The following CENPP variants were observed in gnomAD, a reference collection of about 807,000 sequenced individuals.
CENPP encodes centromere protein P.
A neutral mutation model predicts 35.6 loss-of-function variants in CENPP; 24 were observed. That is an observed-to-expected ratio of 0.67 (90% CI 0.49 to 0.95). The LOEUF is 0.95. CENPP is among the 40% of genes least tolerant of loss of function. The pLI, the probability that CENPP is intolerant of heterozygous loss-of-function variation, is 0.00. For synonymous variants in CENPP, 120 were observed against 125.5 expected, an observed-to-expected ratio of 0.96 and a Z score of 0.29; for missense variants, 332 against 345.3, an observed-to-expected ratio of 0.96 and a Z score of 0.31.
chr9:92,395,487 G>A (rs1467890642), intron 5 of CENPP, among the ~76,000 whole-genome samples: 8 of 152,182 alleles, frequency 5.3e-5, no homozygotes, highest in African/African-American at 1.7e-4. Context: ...GTGTAAGTTT[G>A]TGTGGACTTA....
At chr9:92,574,341 A>G (rs1051548288) in intron 5 of CENPP, among the ~76,000 whole-genome samples, 3 of 152,212 alleles carry the variant, frequency 2.0e-5, no homozygotes, top group Non-Finnish European at 4.4e-5. Flanking sequence ...CTGTGAAAAC[A>G]AATAAATTCA....
intron 5 of CENPP, among the ~76,000 whole-genome samples, chr9:92,454,720 C>T (rs927329266): frequency 6.6e-6 from 1 of 152,064 alleles, no homozygotes. Flanking sequence ...CAACCTTGTT[C>T]AGTGTTGTCA....
intron 5 of CENPP, among the ~76,000 whole-genome samples, chr9:92,552,384 G>A (rs1409046162): frequency 6.6e-6 from 1 of 152,082 alleles, no homozygotes; most frequent in African/African-American, 2.4e-5. Context: ...TGGATCAACT[G>A]GTGGTTCTAC....
At chr9:92,352,122 C>A (rs1355309920) in intron 4 of CENPP, among the ~76,000 whole-genome samples, 1 of 149,084 alleles carries the variant, frequency 6.7e-6, no homozygotes, top group Non-Finnish European at 1.5e-5. Flanking sequence ...GCAATCCCAG[C>A]ATGTTGGGAG....
chr9:92,546,232 A>G (rs1849441923), intron 5 of CENPP, among the ~76,000 whole-genome samples: 1 of 152,168 alleles, frequency 6.6e-6, no homozygotes, highest in Non-Finnish European at 1.5e-5. Flanking sequence ...AAACAGACCA[A>G]TCAGCTCTCT....
At chr9:92,470,621 TAC>T (rs1845476128) in intron 5 of CENPP, 1 of 1,009,486 alleles carries the variant, frequency 9.9e-7, no homozygotes, top group African/African-American at 1.7e-5. Context: ...ATAGCAAAGA[TAC>T]AGAGTTTTCA....
At chr9:92,336,085 A>G (rs1189226564) in intron 2 of CENPP, among the ~76,000 whole-genome samples, 1 of 152,182 alleles carries the variant, frequency 6.6e-6, no homozygotes, top group Non-Finnish European at 1.5e-5. Context: ...TAGTCTCCTT[A>G]ATCTGGTCAT....
intron 2 of CENPP, among the ~76,000 whole-genome samples, chr9:92,337,253 G>T (rs1045500125): frequency 6.6e-6 from 1 of 152,134 alleles, no homozygotes; most frequent in African/African-American, 2.4e-5. Flanking sequence ...AGGAGGTAGA[G>T]GTTGCAGCGA....
intron 5 of CENPP, chr9:92,510,030 A>C: frequency 6.3e-7 from 1 of 1,591,038 alleles, no homozygotes; most frequent in Non-Finnish European, 8.5e-7. Context: ...TAACTTCTTC[A>C]GAAGCTTAAA....
chr9:92,436,447 A>T (rs1472717375), intron 5 of CENPP, among the ~76,000 whole-genome samples: 1 of 152,186 alleles, frequency 6.6e-6, no homozygotes, highest in Admixed American at 6.5e-5. Flanking sequence ...TTTGTAGATC[A>T]TGCTTTTGGT....
At chr9:92,365,098 C>T (rs1412416020) in intron 4 of CENPP, among the ~76,000 whole-genome samples, 2 of 152,146 alleles carry the variant, frequency 1.3e-5, no homozygotes, top group East Asian at 3.9e-4. Context: ...AAGAAAAGCC[C>T]GTCTTCATAA....
intron 5 of CENPP, among the ~76,000 whole-genome samples, chr9:92,442,481 G>A (rs1844435180): frequency 6.6e-6 from 1 of 151,500 alleles, no homozygotes; most frequent in Admixed American, 6.6e-5. Flanking sequence ...CTCCAAATTG[G>A]TTTGAAAAAG....
chr9:92,604,103 G>C (rs72754487), intron 5 of CENPP, among the ~76,000 whole-genome samples: 1 of 152,186 alleles, frequency 6.6e-6, no homozygotes, highest in Non-Finnish European at 1.5e-5. Flanking sequence ...GCTGGATCAC[G>C]TAGTAAGTGT....
At chr9:92,395,446 T>C (rs904376144) in intron 5 of CENPP, among the ~76,000 whole-genome samples, 2 of 152,228 alleles carry the variant, frequency 1.3e-5, no homozygotes, top group African/African-American at 2.4e-5. Flanking sequence ...TTGGGTTGTT[T>C]CCAGGTTTTC....
intron 5 of CENPP, among the ~76,000 whole-genome samples, chr9:92,473,009 T>C (rs1451462020): frequency 6.6e-6 from 1 of 152,094 alleles, no homozygotes; most frequent in Non-Finnish European, 1.5e-5. Flanking sequence ...TGGTCACGTT[T>C]TGGGGGAGGT....
chr9:92,349,979 G>A lies in CENPP; in HGVS notation c.467+4192G>A, dbSNP rs555883592. On this transcript the variant is annotated intron_variant, in intron 4 of 7. Transcript: ENST00000375587. Reference sequence around the variant, plus strand: ...AGTATGTTTAAATTTATAATAAACTGCCAAACCGTTTTCCAGAATGACCAT... The same window carrying A: ...AGTATGTTTAAATTTATAATAAACTACCAAACCGTTTTCCAGAATGACCAT... Among the ~76,000 whole-genome samples the A allele has an allele frequency of 8.0e-4, 122 of 152,116 alleles. 2 individuals carry two copies. The highest frequency in any genetic ancestry group is 2.5e-4 in the Non-Finnish European group (17 of 68,032).
chr9:92,588,547 C>T (rs1047290776), intron 5 of CENPP, among the ~76,000 whole-genome samples: 4 of 151,944 alleles, frequency 2.6e-5, no homozygotes, highest in African/African-American at 9.7e-5. Flanking sequence ...GCCACTGTGC[C>T]CGGCCAGCTG....
chr9:92,533,328 A>AATAT (rs202147064), intron 5 of CENPP, among the ~76,000 whole-genome samples: 1,093 of 38,302 alleles, frequency 0.029, 23 homozygotes, highest in African/African-American at 0.05. Context: ...AAAAAAAAAA[A>AATAT]ATATATATAT....
At chr9:92,594,993 T>G (rs1850745381) in intron 5 of CENPP, among the ~76,000 whole-genome samples, 1 of 147,794 alleles carries the variant, frequency 6.8e-6, no homozygotes, top group Non-Finnish European at 1.5e-5. Context: ...GCCTCCCAGG[T>G]TCAAGCAATT....
Sources: gnomAD v4.1 joint callset for allele counts (sites outside exome capture counted in the v4.1 genomes callset) on GRCh38, gnomAD v4.1.1 for gene constraint, MANE v1.5 for transcripts, NCBI Gene and HGNC (gene_info 2026-07-23, HGNC 2026-07-21) for gene names.